Variants in CENPE observed in about 807,000 individuals in gnomAD.
CENPE encodes centromere protein E.
A neutral mutation model predicts 336.1 loss-of-function variants in CENPE; 145 were observed. That is an observed-to-expected ratio of 0.43 (90% CI 0.38 to 0.50). The LOEUF (loss-of-function observed/expected upper bound fraction) is 0.50, where lower values mean the gene tolerates loss of function less well. Ranked by LOEUF, CENPE falls within the 20% of genes least tolerant of loss-of-function variation. CENPE has a pLI of 0.00. For synonymous variants in CENPE, 1,013 were observed against 984.8 expected, an observed-to-expected ratio of 1.03 and a Z score of -0.54; for missense variants, 2,719 against 3,023.3, an observed-to-expected ratio of 0.90 and a Z score of 2.36.
chr4:103,147,028 A>G (rs1753113449), intron 29 of CENPE, among the ~76,000 whole-genome samples: 1 of 152,210 alleles, frequency 6.6e-6, no homozygotes, highest in Non-Finnish European at 1.5e-5. Flanking sequence ...GCTTTATGAA[A>G]CATTAAAGGA....
chr4:103,111,094 A>T, intron 46 of CENPE, 83 bp from the exon 47 acceptor site: 1 of 1,062,182 alleles, frequency 9.4e-7, no homozygotes, highest in Non-Finnish European at 1.4e-6. Flanking sequence ...CAAGTACAAT[A>T]AGCCATTATA....
chr4:103,153,252 T>A lies in CENPE; in HGVS notation c.3034-2A>T. 1 of 1,591,396 alleles carries A rather than the reference T, an allele frequency of 6.3e-7. No homozygotes were observed. On this transcript the variant is annotated splice_acceptor_variant, in intron 24 of 48. Coordinates refer to ENST00000265148, the MANE Select transcript of CENPE (RefSeq NM_001813.3). LOFTEE classifies it high-confidence loss of function. ...CTGTTTTTTATCTATGCCAACCATC[T>A]AAAACATAAACACATTACAGAAGAA...
At chr4:103,193,927 A>G (rs1757548335) in intron 8 of CENPE, among the ~76,000 whole-genome samples, 1 of 152,060 alleles carries the variant, frequency 6.6e-6, no homozygotes, top group African/African-American at 2.4e-5. Context: ...TTAAATGTGT[A>G]TAGAAAAAAA....
chr4:103,159,348 G>C (rs1178125445), intron 21 of CENPE, 24 bp from the exon 22 acceptor site: 1 of 1,290,288 alleles, frequency 7.8e-7, no homozygotes, highest in Non-Finnish European at 1.0e-6. Context: ...ATAAAATTTA[G>C]GGATGTTAGC....
At chr4:103,135,434 C>T (rs1383376787) in intron 40 of CENPE, among the ~76,000 whole-genome samples, 1 of 152,180 alleles carries the variant, frequency 6.6e-6, no homozygotes, top group African/African-American at 2.4e-5. Context: ...TATCGACAAA[C>T]CTGACTAAGC....
intron 13 of CENPE, 32 bp from the exon 14 acceptor site, chr4:103,177,078 T>A (rs750095732): frequency 6.5e-7 from 1 of 1,536,782 alleles, no homozygotes; most frequent in Non-Finnish European, 8.8e-7. Context: ...TTATGTCATA[T>A]AGATCTGTAT....
chr4:103,149,549 G>A, intron 26 of CENPE, 141 bp from the exon 27 acceptor site: 1 of 725,044 alleles, frequency 1.4e-6, no homozygotes, highest in Non-Finnish European at 2.1e-6. Flanking sequence ...AGGCATAAAT[G>A]TCTGCAGTGG....
rs145178006 is a variant in CENPE, at chr4:103,163,503, T to C, written c.1698A>G (p.Ala566=). The C allele has an allele frequency of 1.3e-6, 2 of 1,595,042 alleles. No individual in the cohort carries two copies. Among genetic ancestry groups the C allele is most frequent in the African/African-American group, 2.7e-5 (2 of 73,866 alleles). Reference sequence around the variant, plus strand: ...CCTCAAGATCTTGATTATATACTTCTGCATGCTTAACTAAATTCTTTAAGT... The same window carrying C: ...CCTCAAGATCTTGATTATATACTTCCGCATGCTTAACTAAATTCTTTAAGT... ...ISNLKNLVKH[A]EVYNQDLENE... Residue 566 remains alanine, a synonymous_variant, in exon 17 of 49, where the codon GCA becomes GCG. Coordinates refer to ENST00000265148, the MANE Select transcript of CENPE (RefSeq NM_001813.3).
chr4:103,133,977 G>A lies in CENPE; in HGVS notation c.6523-85C>T, dbSNP rs902234308. Reference sequence around the variant, plus strand: ...TTTCATCCTTGAGACTATGAGGTAGGATGACATCTCTTATTTACCTATATC... The same window carrying A: ...TTTCATCCTTGAGACTATGAGGTAGAATGACATCTCTTATTTACCTATATC... On this transcript the variant is annotated intron_variant, in intron 40 of 48. Transcript: ENST00000265148. 129 of 806,350 alleles carry A rather than the reference G, an allele frequency of 1.6e-4. No individual in the cohort carries two copies. In the East Asian group the frequency reaches 3.0e-3, roughly 19 times the overall value. 49.9% of individuals were successfully genotyped at this position (806,350 alleles called of 1,614,324 possible).
At chr4:103,145,374 TA>T in intron 31 of CENPE, 40 bp from the exon 32 acceptor site, 1 of 1,396,826 alleles carries the variant, frequency 7.2e-7, no homozygotes, top group Non-Finnish European at 9.9e-7. Flanking sequence ...GTCATAAAAA[TA>T]TGTAAACACA....
In CENPE at chr4:103,143,425, A is replaced by T; in HGVS notation, c.5146-19T>A. The T allele has an allele frequency of 6.7e-7, 1 of 1,498,496 alleles. No homozygotes were observed. The highest frequency in any genetic ancestry group is 9.3e-7 in the Non-Finnish European group (1 of 1,078,812). The allele number at this position is 1,498,496 out of a possible 1,614,324, so 92.8% of individuals were successfully genotyped here. On this transcript the variant is annotated intron_variant, in intron 33 of 48. Transcript: ENST00000265148. ...CTAGGTCCTTTATCAATAGAAAAAT[A>T]AAAATAATACATTGAGAGTAGTACC...
At chr4:103,171,108 GGACAGATTATTCA>G (rs1755369738) in intron 16 of CENPE, among the ~76,000 whole-genome samples, 1 of 152,004 alleles carries the variant, frequency 6.6e-6, no homozygotes, top group Non-Finnish European at 1.5e-5. Context: ...TTTCAGCAAT[GGACAGATTATTCA>G]GACAGAAAAT....
At chr4:103,130,352 TA>T (rs1347381060) in intron 42 of CENPE, among the ~76,000 whole-genome samples, 2 of 152,198 alleles carry the variant, frequency 1.3e-5, no homozygotes, top group African/African-American at 4.8e-5. Flanking sequence ...ATACGAAAGT[TA>T]ATAGCTTTCC....
chr4:103,148,824 G>A lies in CENPE; in HGVS notation c.3843+20C>T. On this transcript the variant is annotated intron_variant, in intron 28 of 48. Coordinates refer to ENST00000265148, the MANE Select transcript of CENPE (RefSeq NM_001813.3). ...AAGGAAGGAAGAAGTGACAAAGGAT[G>A]AAAGGAATAAAAGACATACCTCTTC... is the stretch of plus-strand genomic sequence containing the variant. The A allele has an allele frequency of 6.2e-7, 1 of 1,600,942 alleles. No individual in the cohort carries two copies.
chr4:103,114,180 G>T (rs991475342), intron 46 of CENPE, among the ~76,000 whole-genome samples: 9 of 152,062 alleles, frequency 5.9e-5, no homozygotes, highest in African/African-American at 2.2e-4. Context: ...TTCCTTTATT[G>T]CCTGAAGGTA....
At position 103,193,071 on chromosome 4, in the gene CENPE, T is replaced by C. The variant is rs148802513; in HGVS notation, c.693+1158A>G. 5.6e-3 allele frequency among the ~76,000 whole-genome samples: 845 copies of C among 152,170 alleles called. 5 individuals carry two copies. The highest frequency in any genetic ancestry group is 0.019 in the African/African-American group (805 of 41,536). The stretch of plus-strand genomic sequence containing the variant: ...CTCTAAAGAGACAGAGATGACTCTT[T>C]AGAGACTTCTTTCCAAGAAGATTCT... On this transcript the variant is annotated intron_variant, in intron 8 of 48. Transcript: ENST00000265148.
intron 33 of CENPE, among the ~76,000 whole-genome samples, chr4:103,144,103 A>AT: frequency 6.6e-6 from 1 of 151,934 alleles, no homozygotes; most frequent in Non-Finnish European, 1.5e-5. Context: ...CGCCTGCCTA[A>AT]TTTTTTATGT....
At chr4:103,124,120 A>T (rs891300027) in intron 42 of CENPE, among the ~76,000 whole-genome samples, 5 of 152,202 alleles carry the variant, frequency 3.3e-5, no homozygotes, top group African/African-American at 1.2e-4. Flanking sequence ...TGTATAGAAA[A>T]AACAGAATAC....
chr4:103,127,614 C>G (rs189299473), intron 42 of CENPE, among the ~76,000 whole-genome samples: 4 of 151,992 alleles, frequency 2.6e-5, no homozygotes, highest in South Asian at 2.1e-4. Flanking sequence ...AAATGAATAA[C>G]GGCAATGATA....
Sources: allele counts gnomAD v4.1 joint callset (sites outside exome capture counted in the v4.1 genomes callset), GRCh38; gene constraint gnomAD v4.1.1; transcripts MANE v1.5; gene names NCBI Gene and HGNC (gene_info 2026-07-23, HGNC 2026-07-21).